HACL1: variants seen among roughly 807,000 people sequenced by gnomAD.
The protein encoded by HACL1 is 1600020H07Rik.
A neutral mutation model predicts 74.2 loss-of-function variants in HACL1; 64 were observed. That is an observed-to-expected ratio of 0.86 (90% CI 0.70 to 1.06). HACL1 has a LOEUF of 1.06. Among genes scored for constraint, HACL1 ranks in the 50% least tolerant of loss-of-function variants. HACL1 has a pLI of 0.00. For synonymous variants in HACL1, 230 were observed against 238.8 expected (o/e 0.96, Z 0.34); for missense variants, 728 against 719.7 (o/e 1.01, Z -0.13).
intron 8 of HACL1, among the ~76,000 whole-genome samples, chr3:15,582,324 A>G (rs543859614): frequency 1.3e-5 from 2 of 152,362 alleles, no homozygotes; most frequent in South Asian, 4.1e-4. Flanking sequence ...CTAAATATAG[A>G]AAAAGCTTTA....
At chr3:15,571,607 G>A (rs932825919) in intron 12 of HACL1, 61 bp downstream of exon 12, 6 of 814,370 alleles carry the variant, frequency 7.4e-6, no homozygotes, top group African/African-American at 5.1e-5. Flanking sequence ...GTCACATTAC[G>A]GCAGAAGTAA....
In HACL1 at chr3:15,600,870, G is replaced by A. The variant is rs552814419; in HGVS notation, c.186+220C>T. ...ATACGTGGGTTCAAACCCTGGCTCT[G>A]CTACTACCAGCTGTGTCACCAAAGG... On this transcript the variant is annotated intron_variant, in intron 2 of 16. Coordinates refer to ENST00000321169, the MANE Select transcript of HACL1 (RefSeq NM_012260.4). 1.7e-5 allele frequency: 10 copies of A among 600,458 alleles called. No homozygotes were observed. The South Asian group carries it at 1.7e-4, about 10-fold the overall frequency. 37.2% of individuals were successfully genotyped at this position (600,458 alleles called of 1,614,324 possible).
At chr3:15,568,630 A>G (rs765679506) in intron 12 of HACL1, 44 bp from the exon 13 acceptor site, 1 of 1,097,076 alleles carries the variant, frequency 9.1e-7, no homozygotes, top group South Asian at 1.4e-5. Context: ...TTGGGATACA[A>G]TGAAAATAAC....
chr3:15,595,735 C>T (rs889165374), intron 3 of HACL1, among the ~76,000 whole-genome samples: 8 of 151,394 alleles, frequency 5.3e-5, no homozygotes, highest in South Asian at 2.1e-4. Flanking sequence ...CTCAGCCTCC[C>T]GAGTAGCTGG....
intron 2 of HACL1, 147 bp from the exon 3 acceptor site, chr3:15,596,571 A>G: frequency 1.7e-6 from 1 of 585,342 alleles, no homozygotes. Flanking sequence ...TGTTCTACAC[A>G]TAAATTTCAA....
chr3:15,573,327 G>T, intron 10 of HACL1, 85 bp from the exon 11 acceptor site: 1 of 776,084 alleles, frequency 1.3e-6, no homozygotes, highest in Non-Finnish European at 2.3e-6. Flanking sequence ...TAAATGAACT[G>T]TGTATATAGA....
intron 3 of HACL1, among the ~76,000 whole-genome samples, chr3:15,592,564 A>G (rs1398328782): frequency 6.7e-6 from 1 of 148,236 alleles, no homozygotes; most frequent in African/African-American, 2.5e-5. Context: ...GTGCGTGTAT[A>G]CACATGTACG....
chr3:15,599,613 A>G (rs921418936), intron 2 of HACL1, among the ~76,000 whole-genome samples: 10 of 152,178 alleles, frequency 6.6e-5, no homozygotes, highest in African/African-American at 2.4e-4. Flanking sequence ...CCTTGAGGGA[A>G]CCACATGAAC....
intron 2 of HACL1, among the ~76,000 whole-genome samples, chr3:15,598,439 A>C (rs968621981): frequency 6.6e-6 from 1 of 152,312 alleles, no homozygotes; most frequent in Non-Finnish European, 1.5e-5. Flanking sequence ...TTTTGATTTA[A>C]ATCCCAGCTT....
chr3:15,561,612 G>T (rs1342462629), intron 16 of HACL1, among the ~76,000 whole-genome samples: 1 of 152,182 alleles, frequency 6.6e-6, no homozygotes, highest in Non-Finnish European at 1.5e-5. Flanking sequence ...TCAATAGCAT[G>T]AACTCACTAG....
chr3:15,564,537 T>C lies in HACL1; in HGVS notation c.1517+14A>G, dbSNP rs2063399912. The stretch of plus-strand genomic sequence containing the variant: ...GAAAGAGAAAGTAAACAGACATTGG[T>C]CTTGGTTACTTACACTGCAGTAGCA... On this transcript the variant is annotated intron_variant, in intron 15 of 16. Coordinates refer to ENST00000321169, the MANE Select transcript of HACL1 (RefSeq NM_012260.4). The C allele has an allele frequency of 1.8e-6, 2 of 1,081,950 alleles. No individual in the cohort carries two copies. Among genetic ancestry groups the C allele is most frequent in the African/African-American group, 3.1e-5 (2 of 64,602 alleles). The allele number at this position is 1,081,950 out of a possible 1,614,324, so 67.0% of individuals were successfully genotyped here. A position where few individuals can be genotyped will look rare whatever the true frequency, so the allele number is the denominator to read the frequency against.
At chr3:15,569,281 G>T (rs2063483228) in intron 12 of HACL1, among the ~76,000 whole-genome samples, 1 of 152,122 alleles carries the variant, frequency 6.6e-6, no homozygotes, top group African/African-American at 2.4e-5. Flanking sequence ...GGTAAAGAGG[G>T]ACCCTCCTAT....
chr3:15,585,369 G>C (rs1340027019), intron 6 of HACL1, 27 bp from the exon 7 acceptor site: 2 of 1,253,700 alleles, frequency 1.6e-6, no homozygotes, highest in East Asian at 4.7e-5. Context: ...TAGAAGAAAA[G>C]ATTTGTAAAA....
At chr3:15,582,797 C>A in intron 8 of HACL1, 80 bp downstream of exon 8, 1 of 691,700 alleles carries the variant, frequency 1.4e-6, no homozygotes, top group Non-Finnish European at 2.6e-6. Flanking sequence ...TTAGAATAGA[C>A]ATTAATAAAC....
rs993720324 is a variant in HACL1, at chr3:15,560,878, C to A, written c.1724G>T (p.Arg575Leu). Residue 575 changes from arginine to leucine, a missense_variant, in exon 17 of 17, where the codon CGC becomes CTC. Physicochemically the swap from Arg to Leu is moderately radical, Grantham distance 102. Coordinates refer to ENST00000321169, the MANE Select transcript of HACL1 (RefSeq NM_012260.4). Reference protein sequence around the residue: ...RKAQDFHWLTRSNM With the variant: ...RKAQDFHWLTLSNM ...TGGCGTCTTTATTTACATATTAGAGCGGGTCAGCCAATGAAAATCCTAGAA... is the reference window on the plus strand; with the variant it reads ...TGGCGTCTTTATTTACATATTAGAGAGGGTCAGCCAATGAAAATCCTAGAA... 4 of 1,606,318 alleles carry A rather than the reference C, an allele frequency of 2.5e-6. No homozygotes were observed. In the South Asian group the frequency reaches 3.3e-5, roughly 13 times the overall value.
chr3:15,600,665 G>T lies in HACL1; in HGVS notation c.186+425C>A, dbSNP rs116153339. 4.2e-3 allele frequency: 796 copies of T among 187,936 alleles called. 4 individuals are homozygous for T. The highest frequency in any genetic ancestry group is 0.017 in the African/African-American group (753 of 43,072). 11.6% of individuals were successfully genotyped at this position (187,936 alleles called of 1,614,324 possible). A position where few individuals can be genotyped will look rare whatever the true frequency, so the allele number is the denominator to read the frequency against. ...CTCATTTATCCCACAGGTAATCTCT[G>T]AACACCTTTCTTATGCAGGCACCAC... On this transcript the variant is annotated intron_variant, in intron 2 of 16. Transcript: ENST00000321169.
intron 2 of HACL1, among the ~76,000 whole-genome samples, chr3:15,599,565 C>T (rs1034708301): frequency 6.6e-6 from 1 of 152,002 alleles, no homozygotes; most frequent in African/African-American, 2.4e-5. Flanking sequence ...TCCCCTCAAC[C>T]TACCTACCAG....
chr3:15,576,454 C>T (rs1258989345), intron 9 of HACL1, among the ~76,000 whole-genome samples: 2 of 152,040 alleles, frequency 1.3e-5, no homozygotes, highest in African/African-American at 4.8e-5. Context: ...TATTTTAATA[C>T]TTTTGTCAAT....
At chr3:15,581,516 A>G (rs1352095933) in intron 8 of HACL1, among the ~76,000 whole-genome samples, 1 of 152,100 alleles carries the variant, frequency 6.6e-6, no homozygotes, top group Non-Finnish European at 1.5e-5. Context: ...TTTAATCCAG[A>G]AAGTTTTCTT....
Sources: gnomAD v4.1 joint callset for allele counts (sites outside exome capture counted in the v4.1 genomes callset) on GRCh38, gnomAD v4.1.1 for gene constraint, MANE v1.5 for transcripts, NCBI Gene and HGNC (gene_info 2026-07-23, HGNC 2026-07-21) for gene names.